PPHLN1: variants seen among roughly 807,000 people sequenced by gnomAD.
PPHLN1 encodes the protein periphilin 1.
Under a neutral mutation model 51.3 loss-of-function variants are expected in PPHLN1, and 29 were observed. The ratio of observed to expected loss-of-function variants is 0.57; its 90% confidence interval spans 0.42 to 0.77. PPHLN1 has a LOEUF of 0.77. Among genes scored for constraint, PPHLN1 ranks in the 30% least tolerant of loss-of-function variants. The pLI, the probability that PPHLN1 is intolerant of heterozygous loss-of-function variation, is 0.00. For synonymous variants in PPHLN1, 147 were observed against 147.8 expected, an observed-to-expected ratio of 0.99 and a Z score of 0.04; for missense variants, 436 against 438.4, an observed-to-expected ratio of 0.99 and a Z score of 0.05.
At chr12:42,446,420 C>G, downstream of PPHLN1, 1 of 1,358,924 alleles carries the variant, frequency 7.4e-7, no homozygotes. Flanking sequence ...GACTTTTTAG[C>G]TAGGAGGGAC....
intron 9 of PPHLN1, among the ~76,000 whole-genome samples, chr12:42,436,355 G>GA (rs1489238872): frequency 6.6e-6 from 1 of 152,126 alleles, no homozygotes; most frequent in Non-Finnish European, 1.5e-5. Flanking sequence ...CCTCCTTCAG[G>GA]AAATTCCCCT....
intron 9 of PPHLN1, chr12:42,399,518 T>G: frequency 9.4e-6 from 7 of 744,394 alleles, no homozygotes; most frequent in Non-Finnish European, 1.1e-5. Context: ...TTAAATGAAG[T>G]AAATGTGAAA....
At chr12:42,406,867 G>T (rs1056331089) in intron 9 of PPHLN1, among the ~76,000 whole-genome samples, 3 of 152,006 alleles carry the variant, frequency 2.0e-5, no homozygotes, top group African/African-American at 7.2e-5. Flanking sequence ...ATCTGAAAAT[G>T]ATTTTATGTA....
At chr12:42,442,787 C>T (rs1484607642), downstream of PPHLN1, 2 of 1,610,854 alleles carry the variant, frequency 1.2e-6, no homozygotes, top group Non-Finnish European at 1.7e-6. Context: ...CAGGGGAATT[C>T]TCAAGCTAGG....
intron 2 of PPHLN1, 65 bp downstream of exon 2, chr12:42,336,039 A>G: frequency 9.6e-7 from 1 of 1,037,598 alleles, no homozygotes; most frequent in Non-Finnish European, 1.4e-6. Context: ...GATACACCAA[A>G]GCTAGGCCTA....
chr12:42,360,167 A>G (rs932332084), intron 4 of PPHLN1, among the ~76,000 whole-genome samples: 2 of 151,632 alleles, frequency 1.3e-5, no homozygotes, highest in African/African-American at 2.4e-5. Context: ...ACCCTTCACT[A>G]GAGATTTCAT....
At position 42,360,458 on chromosome 12, in the gene PPHLN1, C is replaced by CTTTTT. The variant is rs71084642; in HGVS notation, c.299+5261_299+5265dup. On this transcript the variant is annotated intron_variant, in intron 4 of 9. Coordinates refer to ENST00000358314, the MANE Select transcript of PPHLN1 (RefSeq NM_201439.2). Reference sequence around the variant, plus strand: ...ACAGTTCCTGAAGTGATGCTGAATTCTTTTTTTTTTTTTTTTTTTTTTTTT... The same window carrying CTTTTT: ...ACAGTTCCTGAAGTGATGCTGAATTCTTTTTTTTTTTTTTTTTTTTTTTTTTTTTT... 1.5e-3 allele frequency among the ~76,000 whole-genome samples: 83 copies of CTTTTT among 56,292 alleles called. 12 individuals carry two copies. Among genetic ancestry groups the CTTTTT allele is most frequent in the African/African-American group, 5.9e-3 (77 of 13,100 alleles). The allele number at this position is 56,292 out of a possible 152,430, so 36.9% of individuals were successfully genotyped here. A position where few individuals can be genotyped will look rare whatever the true frequency, so the allele number is the denominator to read the frequency against.
chr12:42,374,810 A>G lies in PPHLN1; in HGVS notation c.300-53A>G, dbSNP rs1490068497. 11 of 1,402,230 alleles carry G rather than the reference A, an allele frequency of 7.8e-6. No individual in the cohort carries two copies. The East Asian group carries it at 9.3e-5, about 12-fold the overall frequency. 86.9% of individuals were successfully genotyped at this position (1,402,230 alleles called of 1,614,324 possible). A position where few individuals can be genotyped will look rare whatever the true frequency, so the allele number is the denominator to read the frequency against. ...GCAGAGCTTTTGCCATTGTGCTTGT[A>G]TATAGAGGATAGAGTATAATTAACT... On this transcript the variant is annotated intron_variant, in intron 4 of 9. Transcript: ENST00000358314.
At chr12:42,388,855 T>C (rs1337917973) in intron 7 of PPHLN1, among the ~76,000 whole-genome samples, 1 of 152,146 alleles carries the variant, frequency 6.6e-6, no homozygotes, top group Non-Finnish European at 1.5e-5. Context: ...GGTGAGAGGA[T>C]CACTTGAGCC....
downstream of PPHLN1, chr12:42,442,517 C>G: frequency 7.5e-7 from 1 of 1,339,936 alleles, no homozygotes; most frequent in Non-Finnish European, 1.0e-6. Context: ...CGAATAAATA[C>G]AAGCGGCTCC....
At chr12:42,410,440 ATGTGTTCAGATAAGATACTGCC>A (rs1386385260) in intron 9 of PPHLN1, among the ~76,000 whole-genome samples, 2 of 152,200 alleles carry the variant, frequency 1.3e-5, no homozygotes, top group African/African-American at 4.8e-5. Flanking sequence ...AATAGCTGGC[ATGTGTTCAGATAAGATACTGCC>A]TACCTTATTA....
intron 1 of PPHLN1, among the ~76,000 whole-genome samples, chr12:42,330,740 C>T (rs12815283): frequency 0.34 from 52,102 of 152,048 alleles, 9,608 homozygotes; most frequent in South Asian, 0.46. Context: ...GATGGAGTCT[C>T]GCTCTGTCAC....
chr12:42,407,669 A>G (rs2079432772), intron 9 of PPHLN1, among the ~76,000 whole-genome samples: 1 of 152,224 alleles, frequency 6.6e-6, no homozygotes, highest in Admixed American at 6.5e-5. Flanking sequence ...CAAATCCCTT[A>G]TGTAAAATGG....
intron 5 of PPHLN1, among the ~76,000 whole-genome samples, chr12:42,378,090 C>A (rs199687242): frequency 7.1e-6 from 1 of 140,802 alleles, no homozygotes; most frequent in Non-Finnish European, 1.5e-5. Context: ...ATCTATCTTT[C>A]TCTTTCTTTC....
intron 1 of PPHLN1, among the ~76,000 whole-genome samples, chr12:42,328,562 G>C (rs1350582970): frequency 6.6e-6 from 1 of 152,138 alleles, no homozygotes; most frequent in East Asian, 1.9e-4. Context: ...TTGTTTACTT[G>C]TGTAATTTCA....
downstream of PPHLN1, chr12:42,446,809 A>G: frequency 1.8e-6 from 1 of 563,724 alleles, no homozygotes; most frequent in Admixed American, 3.1e-5. Context: ...AGGCAGCTTT[A>G]TTAATTAATT....
chr12:42,424,566 A>T (rs577405345), intron 9 of PPHLN1, among the ~76,000 whole-genome samples: 1 of 152,196 alleles, frequency 6.6e-6, no homozygotes. Context: ...CATATAATGT[A>T]AATACAGCTT....
chr12:42,353,637 TAC>T (rs1418856029), intron 3 of PPHLN1, among the ~76,000 whole-genome samples: 4 of 152,228 alleles, frequency 2.6e-5, no homozygotes, highest in Admixed American at 1.3e-4. Context: ...TCATATTTAT[TAC>T]ATTTTTATTT....
intron 9 of PPHLN1, among the ~76,000 whole-genome samples, chr12:42,419,398 C>CT (rs2080777918): frequency 1.3e-5 from 2 of 151,860 alleles, no homozygotes; most frequent in African/African-American, 4.9e-5. Flanking sequence ...CCCACCACCA[C>CT]ACCTTTTATA....
Sources: allele counts gnomAD v4.1 joint callset (sites outside exome capture counted in the v4.1 genomes callset), GRCh38; gene constraint gnomAD v4.1.1; transcripts MANE v1.5; gene names NCBI Gene and HGNC (gene_info 2026-07-23, HGNC 2026-07-21).